Variants in KLHL14 observed in about 807,000 individuals in gnomAD.
KLHL14 encodes kelch like family member 14.
KLHL14 carries 22 observed loss-of-function variants against 64.3 expected under a neutral mutation model. That is an observed-to-expected ratio of 0.34 (90% confidence interval 0.24 to 0.49). The LOEUF (loss-of-function observed/expected upper bound fraction) is 0.49. KLHL14 is among the 20% of genes least tolerant of loss of function. The probability of loss-of-function intolerance (pLI) is 0.99; values close to 1 mark genes in which losing one functional copy is unlikely to be tolerated. For missense variants in KLHL14, 661 were observed against 789.0 expected, an observed-to-expected ratio of 0.84 and a Z score of 1.94; for synonymous variants, 322 against 333.4, an observed-to-expected ratio of 0.97 and a Z score of 0.37.
intron 3 of KLHL14, among the ~76,000 whole-genome samples, chr18:32,725,632 C>T (rs2050104413): frequency 1.3e-5 from 2 of 152,138 alleles, no homozygotes; most frequent in Non-Finnish European, 2.9e-5. Flanking sequence ...CGGAATGTGT[C>T]CTGTGAGCTA....
intron 3 of KLHL14, among the ~76,000 whole-genome samples, chr18:32,717,919 A>G (rs765151326): frequency 6.6e-6 from 1 of 152,178 alleles, no homozygotes; most frequent in Non-Finnish European, 1.5e-5. Context: ...TCATCTTTTG[A>G]CCAAAGACAT....
At chr18:32,725,011 C>T (rs1394578332) in intron 3 of KLHL14, among the ~76,000 whole-genome samples, 1 of 144,404 alleles carries the variant, frequency 6.9e-6, no homozygotes, top group African/African-American at 2.7e-5. Context: ...AAAAATTCCC[C>T]TCCCTTCCCT....
At chr18:32,768,077 C>T (rs987432883) in intron 2 of KLHL14, among the ~76,000 whole-genome samples, 8 of 152,116 alleles carry the variant, frequency 5.3e-5, no homozygotes, top group Non-Finnish European at 8.8e-5. Context: ...TTTAGACAAA[C>T]GAAAAATTCC....
chr18:32,684,777 G>A (rs2049864039), intron 5 of KLHL14, among the ~76,000 whole-genome samples: 1 of 152,182 alleles, frequency 6.6e-6, no homozygotes, highest in Admixed American at 6.5e-5. Flanking sequence ...TCTGAAGAGT[G>A]TCTCATATAT....
intron 3 of KLHL14, among the ~76,000 whole-genome samples, chr18:32,700,710 C>T (rs948894946): frequency 3.9e-5 from 6 of 152,098 alleles, no homozygotes; most frequent in Non-Finnish European, 5.9e-5. Flanking sequence ...ACACACTAGT[C>T]AGGGGAAGCA....
Position 32,770,661 on chromosome 18 carries a change from G to A in KLHL14, c.-43-27C>T. On this transcript the variant is annotated intron_variant, in intron 1 of 8. Transcript: ENST00000359358. The surrounding 1 kb of genome is among the most constrained non-coding windows in gnomAD (Gnocchi z 6.7). ...TGGCAGACAGGGGTGGGGGATGGGA[G>A]GGAGGGGAGCAGGGTGGTGGAGCGG... 7.6e-7 allele frequency: 1 copy of A among 1,319,950 alleles called. No homozygotes were observed. 81.8% of individuals were successfully genotyped at this position (1,319,950 alleles called of 1,614,324 possible). A position where few individuals can be genotyped will look rare whatever the true frequency, so the allele number is the denominator to read the frequency against.
At chr18:32,725,018 C>T (rs1005110895) in intron 3 of KLHL14, among the ~76,000 whole-genome samples, 1 of 136,192 alleles carries the variant, frequency 7.3e-6, no homozygotes, top group Non-Finnish European at 1.6e-5. Context: ...CCCCTCCCTT[C>T]CCTTTTTTTT....
chr18:32,761,456 G>T (rs1291488597), intron 2 of KLHL14, among the ~76,000 whole-genome samples: 3 of 135,722 alleles, frequency 2.2e-5, no homozygotes, highest in Non-Finnish European at 4.6e-5. Flanking sequence ...CAGGAGTTTT[G>T]CAGGTGGTCT....
At chr18:32,678,625 C>T (rs1047343440) in intron 7 of KLHL14, among the ~76,000 whole-genome samples, 1 of 152,154 alleles carries the variant, frequency 6.6e-6, no homozygotes, top group East Asian at 1.9e-4. Context: ...TGTGCCTTCT[C>T]TGTGACAATG....
intron 3 of KLHL14, among the ~76,000 whole-genome samples, chr18:32,701,274 A>G (rs746987177): frequency 5.3e-5 from 8 of 152,186 alleles, no homozygotes; most frequent in Non-Finnish European, 8.8e-5. Flanking sequence ...CCTAGACCTT[A>G]TATGATAGAG....
At position 32,741,403 on chromosome 18, in the gene KLHL14, T is replaced by C. The variant is rs980533256; in HGVS notation, c.1069+525A>G. Among the ~76,000 whole-genome samples the C allele has an allele frequency of 2.6e-5, 4 of 152,202 alleles. No individual in the cohort carries two copies. The South Asian group carries it at 8.3e-4, about 32-fold the overall frequency. On this transcript the variant is annotated intron_variant, in intron 3 of 8. Coordinates refer to ENST00000359358, the MANE Select transcript of KLHL14 (RefSeq NM_020805.3). ...CAAGCACAATTTCATGCAGCTGGAA[T>C]AGGCCACAAATATATCTGTCCATTC... is the stretch of plus-strand genomic sequence containing the variant.
intron 3 of KLHL14, among the ~76,000 whole-genome samples, chr18:32,719,240 G>A (rs538668645): frequency 5.9e-5 from 9 of 152,344 alleles, no homozygotes; most frequent in South Asian, 2.1e-4. Context: ...AAGCCACTGC[G>A]CCCAGCTGGA....
rs938742095 is a variant in KLHL14, at chr18:32,693,061, C to T, written c.1159+2402G>A. Among the ~76,000 whole-genome samples the T allele has an allele frequency of 3.3e-5, 5 of 152,228 alleles. 1 individual carries two copies. Among genetic ancestry groups the T allele is most frequent in the Non-Finnish European group, 1.5e-5 (1 of 68,012 alleles). On this transcript the variant is annotated intron_variant, in intron 4 of 8. Transcript: ENST00000359358. ...ATTAGCCCAGATTCCTTTACCAGACCGGTGCACCCATTCCCTGGCTGCTGA... is the reference window on the plus strand; with the variant it reads ...ATTAGCCCAGATTCCTTTACCAGACTGGTGCACCCATTCCCTGGCTGCTGA...
intron 3 of KLHL14, among the ~76,000 whole-genome samples, chr18:32,739,507 A>G (rs1242997285): frequency 1.3e-5 from 2 of 152,094 alleles, no homozygotes; most frequent in Admixed American, 6.6e-5. Context: ...GTAATAAACT[A>G]TATATTTTTA....
chr18:32,707,022 C>T (rs148394660), intron 3 of KLHL14, among the ~76,000 whole-genome samples: 98 of 152,268 alleles, frequency 6.4e-4, no homozygotes, highest in African/African-American at 2.0e-3. Flanking sequence ...GCAGTGGAGG[C>T]TTGCTTGGCC....
At chr18:32,697,810 T>C (rs1490440738) in intron 3 of KLHL14, among the ~76,000 whole-genome samples, 1 of 152,192 alleles carries the variant, frequency 6.6e-6, no homozygotes, top group African/African-American at 2.4e-5. Context: ...TATTGAACTC[T>C]TCAAAATAAG....
intron 1 of KLHL14, chr18:32,771,992 G>A (rs7234849): frequency 0.33 from 68,992 of 207,146 alleles, 12,228 homozygotes; most frequent in South Asian, 0.46. Context: ...GAGGAGGGCA[G>A]GGTGGGGGAG....
At chr18:32,728,236 T>C (rs1247333354) in intron 3 of KLHL14, among the ~76,000 whole-genome samples, 3 of 152,198 alleles carry the variant, frequency 2.0e-5, no homozygotes, top group Admixed American at 2.0e-4. Flanking sequence ...ATGCACTCTG[T>C]TGTTAACTAC....
At chr18:32,764,082 C>T (rs781738765) in intron 2 of KLHL14, among the ~76,000 whole-genome samples, 24 of 152,180 alleles carry the variant, frequency 1.6e-4, no homozygotes, top group Non-Finnish European at 2.6e-4. Context: ...TAATTGTTCA[C>T]ATGTTCATTT....
Sources: allele counts gnomAD v4.1 joint callset (sites outside exome capture counted in the v4.1 genomes callset), GRCh38; gene constraint gnomAD v4.1.1; non-coding constraint Gnocchi (gnomAD v3.1); transcripts MANE v1.5; gene names NCBI Gene and HGNC (gene_info 2026-07-23, HGNC 2026-07-21).